Variants in KSR2 observed in about 807,000 individuals in gnomAD.
KSR2 encodes the protein kinase suppressor of ras 2.
KSR2 carries 25 observed loss-of-function variants against 107.8 expected under a neutral mutation model. That is an observed-to-expected ratio of 0.23 (90% CI 0.17 to 0.32). KSR2 has a LOEUF of 0.32. Ranked by LOEUF, KSR2 falls within the 10% of genes least tolerant of loss-of-function variation. The pLI is 1.00. For missense variants in KSR2, 887 were observed against 1,268.9 expected (o/e 0.70, Z 4.57); for synonymous variants, 480 against 507.0 (o/e 0.95, Z 0.71).
intron 10 of KSR2, among the ~76,000 whole-genome samples, chr12:117,538,796 C>A (rs1174333141): frequency 6.6e-6 from 1 of 152,132 alleles, no homozygotes; most frequent in Non-Finnish European, 1.5e-5. Flanking sequence ...CCATGTTGAA[C>A]AAAACAGATG....
chr12:117,815,856 T>C (rs1473837206), intron 3 of KSR2, among the ~76,000 whole-genome samples: 2 of 151,892 alleles, frequency 1.3e-5, no homozygotes, highest in Non-Finnish European at 2.9e-5. Context: ...AGGCCTGTAA[T>C]CCCAGCTACT....
Position 117,860,354 on chromosome 12 carries a change from C to T in KSR2, c.258G>A (p.Leu86=). The T allele has an allele frequency of 1.2e-6, 2 of 1,613,860 alleles. No homozygotes were observed. Among genetic ancestry groups the T allele is most frequent in the Non-Finnish European group, 1.7e-6 (2 of 1,179,828 alleles). The part of the protein sequence containing the change: ...KVALQERNAE[L]DGFPQLRHWF... Reference sequence around the variant, plus strand: ...AGTGCCGTAGCTGGGGGAAGCCGTCCAGCTCCGCGTTGCGCTCCTGCAAGG... The same window carrying T: ...AGTGCCGTAGCTGGGGGAAGCCGTCTAGCTCCGCGTTGCGCTCCTGCAAGG... Residue 86 remains leucine (L), a synonymous_variant, in exon 2 of 20, where the codon CTG becomes CTA. Coordinates refer to ENST00000339824, the MANE Select transcript of KSR2 (RefSeq NM_173598.6).
intron 3 of KSR2, among the ~76,000 whole-genome samples, chr12:117,812,043 AT>A (rs1255807147): frequency 2.0e-5 from 3 of 152,016 alleles, no homozygotes; most frequent in Non-Finnish European, 4.4e-5. Context: ...AGCAGGCAGG[AT>A]TTTTCTTGGA....
chr12:117,656,980 GGATATATA>G (rs1565947134), intron 5 of KSR2, among the ~76,000 whole-genome samples: 3 of 50,556 alleles, frequency 5.9e-5, no homozygotes, highest in Non-Finnish European at 3.7e-5. Context: ...ATATATAATA[GGATATATA>G]TATATATATA....
At chr12:117,647,368 C>T (rs1163962068) in intron 5 of KSR2, among the ~76,000 whole-genome samples, 1 of 152,114 alleles carries the variant, frequency 6.6e-6, no homozygotes, top group Non-Finnish European at 1.5e-5. Context: ...AGAATTTGGC[C>T]TGAGATGAAA....
chr12:117,484,937 C>T (rs1292644471), intron 15 of KSR2, among the ~76,000 whole-genome samples: 3 of 152,188 alleles, frequency 2.0e-5, no homozygotes, highest in Admixed American at 1.3e-4. Flanking sequence ...CCTATGCTGC[C>T]GCAGAAGGCA....
intron 1 of KSR2, among the ~76,000 whole-genome samples, chr12:117,925,965 G>A (rs1161841982): frequency 3.9e-5 from 6 of 152,180 alleles, no homozygotes; most frequent in African/African-American, 1.4e-4. Flanking sequence ...GGGAGGCTGA[G>A]GCGGGCAGAT....
At chr12:117,825,884 T>C (rs1425187603) in intron 3 of KSR2, among the ~76,000 whole-genome samples, 2 of 140,310 alleles carry the variant, frequency 1.4e-5, no homozygotes, top group African/African-American at 2.7e-5. Flanking sequence ...GACAGATGCA[T>C]GCATGCATGC....
chr12:117,501,606 C>A (rs1020990537), intron 14 of KSR2, among the ~76,000 whole-genome samples: 35 of 152,176 alleles, frequency 2.3e-4, no homozygotes, highest in South Asian at 8.3e-4. Flanking sequence ...TGAGAAAGAG[C>A]CAGCAAGTGT....
At chr12:117,671,119 T>C (rs1006367257) in intron 4 of KSR2, among the ~76,000 whole-genome samples, 5 of 152,330 alleles carry the variant, frequency 3.3e-5, no homozygotes, top group South Asian at 4.1e-4. Flanking sequence ...CCACCTGGAA[T>C]ACCCTCTGTT....
chr12:117,619,259 G>A (rs534743667), intron 5 of KSR2, among the ~76,000 whole-genome samples: 12 of 151,000 alleles, frequency 7.9e-5, no homozygotes, highest in East Asian at 3.9e-4. Flanking sequence ...TGTGCACAAC[G>A]TGCCAGTTAG....
chr12:117,689,042 G>C (rs1233194269), intron 4 of KSR2, among the ~76,000 whole-genome samples: 1 of 152,074 alleles, frequency 6.6e-6, no homozygotes, highest in Non-Finnish European at 1.5e-5. Flanking sequence ...TACTCTCACT[G>C]CCTGTCTCAG....
At chr12:117,825,594 T>C (rs1265245510) in intron 3 of KSR2, among the ~76,000 whole-genome samples, 1 of 152,182 alleles carries the variant, frequency 6.6e-6, no homozygotes, top group Non-Finnish European at 1.5e-5. Flanking sequence ...CCTAGCTAGC[T>C]AACATGGCTC....
intron 6 of KSR2, 63 bp downstream of exon 6, chr12:117,582,227 C>T (rs1406652090): frequency 4.9e-6 from 7 of 1,421,338 alleles, no homozygotes; most frequent in Non-Finnish European, 7.0e-6. Context: ...GGGCAGGGGC[C>T]AGAGCCCCCA....
At chr12:117,557,297 G>T (rs1877771565) in intron 8 of KSR2, among the ~76,000 whole-genome samples, 1 of 152,188 alleles carries the variant, frequency 6.6e-6, no homozygotes, top group Non-Finnish European at 1.5e-5. Context: ...TCTCTAGATG[G>T]CACTTCGGTT....
intron 3 of KSR2, among the ~76,000 whole-genome samples, chr12:117,826,062 C>T (rs1480556028): frequency 1.3e-5 from 2 of 150,388 alleles, no homozygotes; most frequent in Non-Finnish European, 3.0e-5. Flanking sequence ...TGGATAAATG[C>T]ATGAATGGGT....
chr12:117,828,339 G>A (rs964157561), intron 3 of KSR2, among the ~76,000 whole-genome samples: 3 of 152,176 alleles, frequency 2.0e-5, no homozygotes, highest in Non-Finnish European at 4.4e-5. Flanking sequence ...GAATCCTGGT[G>A]TTATGTAATA....
rs2136509144 is a variant in KSR2, at chr12:117,674,060, A to T, written c.987-6402T>A. ...GTGTTAGGGAAAGACACTCAGCTCC[A>T]GGCCATCACCTATGCTTAGGAAAAT... On this transcript the variant is annotated intron_variant, in intron 4 of 19. Coordinates refer to ENST00000339824, the MANE Select transcript of KSR2 (RefSeq NM_173598.6). Among the ~76,000 whole-genome samples the T allele has an allele frequency of 2.0e-5, 3 of 152,316 alleles. 1 individual carries two copies. The South Asian group carries it at 6.2e-4, about 32-fold the overall frequency.
intron 10 of KSR2, 36 bp downstream of exon 10, chr12:117,539,683 G>T: frequency 1.3e-6 from 2 of 1,551,048 alleles, no homozygotes; most frequent in Admixed American, 1.9e-5. Context: ...CCCCTCCAAC[G>T]CTGCACCCCT....
Sources: gnomAD v4.1 joint callset for allele counts (sites outside exome capture counted in the v4.1 genomes callset) on GRCh38, gnomAD v4.1.1 for gene constraint, MANE v1.5 for transcripts, NCBI Gene and HGNC (gene_info 2026-07-23, HGNC 2026-07-21) for gene names.